Variants in ADCY2 observed in about 807,000 individuals in gnomAD.
ADCY2 encodes adenylate cyclase type 2.
ADCY2 carries 31 observed loss-of-function variants against 125.2 expected under a neutral mutation model. That is an observed-to-expected ratio of 0.25 (90% confidence interval 0.19 to 0.33). The LOEUF (loss-of-function observed/expected upper bound fraction) is 0.33, where lower values mean the gene tolerates loss of function less well. Ranked by LOEUF, ADCY2 falls within the 10% of genes least tolerant of loss-of-function variation. ADCY2 has a pLI of 1.00. For synonymous variants in ADCY2, 512 were observed against 548.4 expected, an observed-to-expected ratio of 0.93 and a Z score of 0.93; for missense variants, 904 against 1,418.2, an observed-to-expected ratio of 0.64 and a Z score of 5.82.
intron 15 of ADCY2, among the ~76,000 whole-genome samples, chr5:7,756,100 A>G (rs1226419771): frequency 2.6e-5 from 4 of 152,220 alleles, no homozygotes; most frequent in Non-Finnish European, 4.4e-5. Flanking sequence ...AACAATGTCA[A>G]TCCCTGGAGG....
intron 3 of ADCY2, among the ~76,000 whole-genome samples, chr5:7,568,725 C>G (rs1031464912): frequency 1.3e-5 from 2 of 152,196 alleles, no homozygotes; most frequent in Non-Finnish European, 2.9e-5. Flanking sequence ...AATTCACCAC[C>G]TCTCCTCACA....
chr5:7,801,083 G>C lies in ADCY2; in HGVS notation c.2629-1135G>C, dbSNP rs373642363. On this transcript the variant is annotated intron_variant, in intron 20 of 24. Coordinates refer to ENST00000338316, the MANE Select transcript of ADCY2 (RefSeq NM_020546.3). ...ACGAGTCCATCTTTTTCTCAAAACT[G>C]TTGTGGCCTTCACCTGGGTTGCCCT... 4 of 152,378 alleles carry C rather than the reference G, an allele frequency of 2.6e-5. No individual in the cohort carries two copies. The East Asian group carries it at 5.8e-4, about 22-fold the overall frequency. 9.4% of individuals were successfully genotyped at this position (152,378 alleles called of 1,614,324 possible). A position where few individuals can be genotyped will look rare whatever the true frequency, so the allele number is the denominator to read the frequency against.
chr5:7,636,151 C>T (rs554260951), intron 4 of ADCY2, among the ~76,000 whole-genome samples: 1 of 152,334 alleles, frequency 6.6e-6, no homozygotes, highest in East Asian at 1.9e-4. Context: ...AGAGGCAACT[C>T]ATCAGAACCC....
intron 3 of ADCY2, among the ~76,000 whole-genome samples, chr5:7,597,170 C>T (rs139359919): frequency 2.0e-5 from 3 of 152,368 alleles, no homozygotes; most frequent in South Asian, 2.1e-4. Flanking sequence ...CTTCTTTGCT[C>T]TGCCAGCTGC....
intron 3 of ADCY2, among the ~76,000 whole-genome samples, chr5:7,577,314 A>G (rs1736281039): frequency 6.6e-6 from 1 of 152,220 alleles, no homozygotes; most frequent in Non-Finnish European, 1.5e-5. Flanking sequence ...GTCTTAAAGC[A>G]TGTGCATGAA....
At chr5:7,801,522 A>C (rs1426390756) in intron 20 of ADCY2, 2 of 151,838 alleles carry the variant, frequency 1.3e-5, no homozygotes, top group African/African-American at 4.8e-5. Context: ...CCACCTAACA[A>C]CTCTTCCTTT....
intron 3 of ADCY2, among the ~76,000 whole-genome samples, chr5:7,599,722 G>A (rs1348843800): frequency 6.6e-6 from 1 of 152,174 alleles, no homozygotes; most frequent in African/African-American, 2.4e-5. Flanking sequence ...GGGTTTCAAG[G>A]TGTGTGGAGC....
At chr5:7,786,330 A>G (rs1014920084) in intron 19 of ADCY2, among the ~76,000 whole-genome samples, 5 of 152,352 alleles carry the variant, frequency 3.3e-5, no homozygotes, top group Non-Finnish European at 7.3e-5. Flanking sequence ...GAGGGGAGGT[A>G]TATCACAAAA....
intron 3 of ADCY2, among the ~76,000 whole-genome samples, chr5:7,535,117 C>T (rs1474259124): frequency 2.6e-5 from 4 of 152,074 alleles, no homozygotes; most frequent in East Asian, 1.9e-4. Flanking sequence ...CACGGCTCAC[C>T]GCAACCTCCG....
intron 4 of ADCY2, among the ~76,000 whole-genome samples, chr5:7,662,707 C>T (rs922460624): frequency 2.6e-5 from 4 of 152,214 alleles, no homozygotes; most frequent in African/African-American, 4.8e-5. Context: ...CATCCTTAGC[C>T]TCACTTACCT....
chr5:7,784,168 T>C (rs1487729675), intron 18 of ADCY2, among the ~76,000 whole-genome samples, 197 bp from the exon 19 acceptor site: 3 of 152,254 alleles, frequency 2.0e-5, no homozygotes, highest in East Asian at 3.8e-4. Context: ...ATGATTTTAC[T>C]GTGCTCTCAG....
intron 23 of ADCY2, among the ~76,000 whole-genome samples, chr5:7,817,618 G>A (rs1579473643): frequency 6.6e-6 from 1 of 152,084 alleles, no homozygotes; most frequent in African/African-American, 2.4e-5. Flanking sequence ...CTTGATTCCA[G>A]GAGTTTGAGA....
intron 16 of ADCY2, 127 bp from the exon 17 acceptor site, chr5:7,766,559 TC>T (rs1743385464): frequency 5.7e-6 from 5 of 870,374 alleles, no homozygotes; most frequent in Non-Finnish European, 8.7e-6. Context: ...CAATAGAAAT[TC>T]CCGAGTCCAC....
intron 2 of ADCY2, among the ~76,000 whole-genome samples, chr5:7,510,058 G>A (rs189872425): frequency 1.3e-3 from 194 of 152,322 alleles, no homozygotes; most frequent in African/African-American, 4.5e-3. Context: ...ATGACACAGA[G>A]AAGGTCTGAA....
chr5:7,488,397 A>C (rs1743025360), intron 2 of ADCY2, among the ~76,000 whole-genome samples: 1 of 152,126 alleles, frequency 6.6e-6, no homozygotes, highest in South Asian at 2.1e-4. Context: ...ATCTTGACTA[A>C]TACATCTTGC....
At chr5:7,421,643 C>T (rs1302527726) in intron 2 of ADCY2, among the ~76,000 whole-genome samples, 2 of 152,182 alleles carry the variant, frequency 1.3e-5, no homozygotes, top group African/African-American at 2.4e-5. Flanking sequence ...TAACTGACAA[C>T]GGTTCCCTAA....
At chr5:7,775,580 G>C (rs1391279118) in intron 18 of ADCY2, among the ~76,000 whole-genome samples, 1 of 145,938 alleles carries the variant, frequency 6.9e-6, no homozygotes, top group Admixed American at 6.8e-5. Flanking sequence ...TAGTAGAGAT[G>C]GGGTTTCACC....
At chr5:7,622,971 A>C (rs1030348747) in intron 3 of ADCY2, among the ~76,000 whole-genome samples, 1 of 152,204 alleles carries the variant, frequency 6.6e-6, no homozygotes, top group Admixed American at 6.5e-5. Context: ...GTTCTGTTAC[A>C]ACAAGGCCCT....
At chr5:7,432,848 G>C (rs1740655660) in intron 2 of ADCY2, among the ~76,000 whole-genome samples, 1 of 152,156 alleles carries the variant, frequency 6.6e-6, no homozygotes, top group Non-Finnish European at 1.5e-5. Flanking sequence ...TGTGGTGATA[G>C]TTTCACAGGT....
Sources: gnomAD v4.1 joint callset for allele counts (sites outside exome capture counted in the v4.1 genomes callset) on GRCh38, gnomAD v4.1.1 for gene constraint, MANE v1.5 for transcripts, NCBI Gene and HGNC (gene_info 2026-07-23, HGNC 2026-07-21) for gene names.